The following YIPF6 variants were observed in gnomAD, a reference collection of about 807,000 sequenced individuals.
The protein encoded by YIPF6 is protein YIPF6.
Under a neutral mutation model 16.8 loss-of-function variants are expected in YIPF6, and 3 were observed. The observed-to-expected ratio is 0.18, with a 90% confidence interval of 0.08 to 0.46. The LOEUF (loss-of-function observed/expected upper bound fraction) is 0.46. Ranked by LOEUF, YIPF6 falls within the 20% of genes least tolerant of loss-of-function variation. The pLI is 0.98. For missense variants in YIPF6, 145 were observed against 184.9 expected, an observed-to-expected ratio of 0.78 and a Z score of 1.25; for synonymous variants, 67 against 61.9, an observed-to-expected ratio of 1.08 and a Z score of -0.38.
At chrX:68,523,996 G>A (rs758646839) in intron 6 of YIPF6, among the ~76,000 whole-genome samples, 8 of 112,072 alleles carry the variant, frequency 7.1e-5, no homozygotes, top group East Asian at 2.8e-4. Flanking sequence ...CAAACTATGC[G>A]TCAGGCATAA....
At chrX:68,530,249 G>A (rs2079165808) in intron 6 of YIPF6, among the ~76,000 whole-genome samples, 1 of 111,293 alleles carries the variant, frequency 9.0e-6, no homozygotes, top group South Asian at 3.8e-4. Context: ...ACTTCCCTGT[G>A]GCTTTCTTTA....
At chrX:68,522,944 A>G in intron 6 of YIPF6, 27 bp downstream of exon 6, 4 of 1,203,184 alleles carry the variant, frequency 3.3e-6, no homozygotes, top group Non-Finnish European at 4.5e-6. Flanking sequence ...TTCCACAATA[A>G]CAGAACAGAC....
At chrX:68,510,833 A>T (rs187457909) in intron 1 of YIPF6, 1 of 111,413 alleles carries the variant, frequency 9.0e-6, no homozygotes, top group Non-Finnish European at 1.9e-5. Context: ...GGATTTCTCC[A>T]TGTTGGTCAG....
Position 68,511,891 on chromosome X carries a change from G to A in YIPF6, c.100G>A (p.Val34Ile), listed in dbSNP as rs778689965. Reference sequence around the variant, plus strand: ...TATATCCATCTCACAAGACATCCCCGTAGAAGGAGAAATCACCATTCCTAT... The same window carrying A: ...TATATCCATCTCACAAGACATCCCCATAGAAGGAGAAATCACCATTCCTAT... Reference protein sequence around the residue: ...SDISISQDIPVEGEITIPMRS... With the variant: ...SDISISQDIPIEGEITIPMRS... Residue 34 changes from valine (V) to isoleucine (I), a missense_variant, in exon 2 of 7, where the codon GTA (valine) becomes ATA (isoleucine). Val to Ile is a conservative substitution (Grantham distance 29). Coordinates refer to ENST00000462683, the MANE Select transcript of YIPF6 (RefSeq NM_173834.4). The A allele has an allele frequency of 5.0e-6, 6 of 1,207,930 alleles. No homozygotes were observed. In the Admixed American group the frequency reaches 1.3e-4, roughly 27 times the overall value.
chrX:68,499,215 A>T, intron 1 of YIPF6, 92 bp downstream of exon 1: 1 of 1,061,867 alleles, frequency 9.4e-7, no homozygotes, highest in South Asian at 2.2e-5. Context: ...TGAGAGCCGG[A>T]GCTCCTTCCG....
chrX:68,510,484 TA>T (rs1295637931), intron 1 of YIPF6, among the ~76,000 whole-genome samples: 1 of 109,806 alleles, frequency 9.1e-6, no homozygotes, highest in Non-Finnish European at 1.9e-5. Flanking sequence ...AAGAAACCTT[TA>T]AAAAAAAATT....
intron 1 of YIPF6, among the ~76,000 whole-genome samples, chrX:68,502,291 A>G: frequency 8.9e-6 from 1 of 112,053 alleles, no homozygotes; most frequent in East Asian, 2.8e-4. Flanking sequence ...AGGATTTGAG[A>G]CAAGGCAGAA....
intron 3 of YIPF6, among the ~76,000 whole-genome samples, chrX:68,517,313 A>G (rs1324730121): frequency 9.0e-6 from 1 of 110,883 alleles, no homozygotes; most frequent in Non-Finnish European, 1.9e-5. Context: ...ATGCCCAGCG[A>G]ATATTTTGTA....
intron 6 of YIPF6, among the ~76,000 whole-genome samples, chrX:68,526,085 A>AT (rs773347561): frequency 2.7e-5 from 3 of 111,770 alleles, no homozygotes; most frequent in African/African-American, 9.7e-5. Flanking sequence ...CAGTATGGCC[A>AT]TTTTCATGAT....
chrX:68,505,420 A>G (rs1272661769), intron 1 of YIPF6, among the ~76,000 whole-genome samples: 3 of 111,514 alleles, frequency 2.7e-5, no homozygotes, highest in African/African-American at 9.8e-5. Context: ...AACAAACCAA[A>G]TGGGTTGGTT....
chrX:68,535,231 A>G lies in YIPF6; in HGVS notation c.*3232A>G, dbSNP rs1367668352. On this transcript the variant is annotated 3_prime_UTR_variant, in exon 7 of 7. Coordinates refer to ENST00000462683, the MANE Select transcript of YIPF6 (RefSeq NM_173834.4). The stretch of plus-strand genomic sequence containing the variant: ...ACTAGTAAGCATTTTACTGTTTACT[A>G]TATTTGTCTTTTTATAAACAGTATC... 2 of 112,454 alleles carry G rather than the reference A, an allele frequency of 1.8e-5. No homozygotes were observed. Among genetic ancestry groups the G allele is most frequent in the Non-Finnish European group, 3.7e-5 (2 of 53,347 alleles). 9.3% of individuals were successfully genotyped at this position (112,454 alleles called of 1,213,427 possible). A position where few individuals can be genotyped will look rare whatever the true frequency, so the allele number is the denominator to read the frequency against.
At chrX:68,521,557 A>G in intron 5 of YIPF6, 60 bp downstream of exon 5, 2 of 1,129,656 alleles carry the variant, frequency 1.8e-6, no homozygotes, top group Non-Finnish European at 2.4e-6. Flanking sequence ...TCTTAGATTA[A>G]GGAATACAGG....
chrX:68,517,049 T>C, intron 3 of YIPF6, among the ~76,000 whole-genome samples: 1 of 111,755 alleles, frequency 8.9e-6, no homozygotes, highest in Non-Finnish European at 1.9e-5. Context: ...CTCAAACTCC[T>C]GACCTTAAGT....
At chrX:68,527,509 C>A (rs2079153741) in intron 6 of YIPF6, among the ~76,000 whole-genome samples, 1 of 111,466 alleles carries the variant, frequency 9.0e-6, no homozygotes. Context: ...TTATCTTCTG[C>A]CAGTTTTTGA....
rs965032006 is a variant in YIPF6, at chrX:68,532,685, C to T, written c.*686C>T. On this transcript the variant is annotated 3_prime_UTR_variant, in exon 7 of 7. Transcript: ENST00000462683. ...GCTGTCACCTTTTTGCCATGTTTAA[C>T]AGCATCTTGGTTGGCACTCTAGTCT... is the stretch of plus-strand genomic sequence containing the variant. 2 of 108,656 alleles carry T rather than the reference C, an allele frequency of 1.8e-5. No individual in the cohort carries two copies. Among genetic ancestry groups the T allele is most frequent in the African/African-American group, 6.7e-5 (2 of 29,762 alleles). The allele number at this position is 108,656 out of a possible 1,213,427, so 9.0% of individuals were successfully genotyped here.
At chrX:68,523,709 A>C (rs2079136087) in intron 6 of YIPF6, among the ~76,000 whole-genome samples, 1 of 112,156 alleles carries the variant, frequency 8.9e-6, no homozygotes, top group African/African-American at 3.2e-5. Flanking sequence ...ACTGCTTAAT[A>C]TTTTTAAGTG....
In YIPF6 at chrX:68,499,090, A is replaced by G. The variant is rs766641135; in HGVS notation, c.24A>G (p.Pro8=). The stretch of plus-strand genomic sequence containing the variant: ...AGATGGCGGAAGCGGAGGAGTCTCC[A>G]GGAGACCCGGGGACAGCATCGCCCA... MAEAEES[P]GDPGTASPRP... The change falls in exon 1 of 7, where the codon CCA becomes CCG. Residue 8 remains proline, a synonymous_variant. Coordinates refer to ENST00000462683, the MANE Select transcript of YIPF6 (RefSeq NM_173834.4). 1 of 1,190,057 alleles carries G rather than the reference A, an allele frequency of 8.4e-7. No homozygotes were observed. The highest frequency in any genetic ancestry group is 1.1e-6 in the Non-Finnish European group (1 of 884,479).
intron 2 of YIPF6, among the ~76,000 whole-genome samples, chrX:68,512,464 A>G (rs1047262891): frequency 8.9e-6 from 1 of 111,792 alleles, no homozygotes; most frequent in Non-Finnish European, 1.9e-5. Flanking sequence ...AAAACAAAAA[A>G]AAGGTCTTAA....
At chrX:68,531,556 T>C (rs1160432715) in intron 6 of YIPF6, among the ~76,000 whole-genome samples, 1 of 112,258 alleles carries the variant, frequency 8.9e-6, no homozygotes, top group Non-Finnish European at 1.9e-5. Flanking sequence ...ACGAGGCCGT[T>C]TACCATAGGA....
Sources: gnomAD v4.1 joint callset for allele counts (sites outside exome capture counted in the v4.1 genomes callset) on GRCh38, gnomAD v4.1.1 for gene constraint, MANE v1.5 for transcripts, NCBI Gene and HGNC (gene_info 2026-07-23, HGNC 2026-07-21) for gene names.